NPAS3: variants seen among roughly 807,000 people sequenced by gnomAD.
The protein encoded by NPAS3 is neuronal PAS domain-containing protein 3.
Under a neutral mutation model 73.1 loss-of-function variants are expected in NPAS3, and 14 were observed. That is an observed-to-expected ratio of 0.19 (90% confidence interval 0.13 to 0.30). The LOEUF (loss-of-function observed/expected upper bound fraction) is 0.30, where lower values mean the gene tolerates loss of function less well. Among genes scored for constraint, NPAS3 ranks in the 10% least tolerant of loss-of-function variants. NPAS3 has a pLI of 1.00. For missense variants in NPAS3, 1,096 were observed against 1,250.0 expected, an observed-to-expected ratio of 0.88 and a Z score of 1.86; for synonymous variants, 620 against 541.5, an observed-to-expected ratio of 1.14 and a Z score of -2.01.
chr14:33,354,739 C>T (rs544923156), intron 3 of NPAS3, among the ~76,000 whole-genome samples: 2 of 152,330 alleles, frequency 1.3e-5, no homozygotes, highest in African/African-American at 2.4e-5. Flanking sequence ...TGTGTTATAA[C>T]TCAGAACTCA....
At chr14:33,507,535 C>T (rs2052824121) in intron 4 of NPAS3, among the ~76,000 whole-genome samples, 2 of 151,932 alleles carry the variant, frequency 1.3e-5, no homozygotes, top group Admixed American at 1.3e-4. Context: ...CTTTCCCAAG[C>T]ATAGTAAGGT....
chr14:33,543,741 G>A lies in NPAS3; in HGVS notation c.469-16380G>A, dbSNP rs375774151. Among the ~76,000 whole-genome samples the A allele has an allele frequency of 2.7e-3, 416 of 152,064 alleles. 4 individuals are homozygous for A. Among genetic ancestry groups the A allele is most frequent in the African/African-American group, 9.5e-3 (396 of 41,502 alleles). ...CCACCTCTGCTTTGAACATCACCTTGAGCACTATCATTCTGCTCTATGTCT... is the reference window on the plus strand; with the variant it reads ...CCACCTCTGCTTTGAACATCACCTTAAGCACTATCATTCTGCTCTATGTCT... On this transcript the variant is annotated intron_variant, in intron 4 of 11. Coordinates refer to ENST00000356141, the Ensembl canonical transcript of NPAS3.
intron 6 of NPAS3, among the ~76,000 whole-genome samples, chr14:33,725,634 T>G (rs925038780): frequency 1.3e-5 from 2 of 151,922 alleles, no homozygotes; most frequent in African/African-American, 2.4e-5. Flanking sequence ...CTGCCATCCT[T>G]TGCTAGTCTC....
intron 1 of NPAS3, among the ~76,000 whole-genome samples, chr14:33,053,263 A>G (rs1398177495): frequency 1.3e-5 from 2 of 152,216 alleles, no homozygotes. Context: ...ACCTGCAAAA[A>G]TGGAACAATT....
At chr14:33,286,239 T>C (rs886353355) in intron 3 of NPAS3, among the ~76,000 whole-genome samples, 1 of 152,202 alleles carries the variant, frequency 6.6e-6, no homozygotes, top group African/African-American at 2.4e-5. Context: ...CATAGATCAA[T>C]ATTTTTCCTA....
chr14:33,290,701 A>G (rs2042065160), intron 3 of NPAS3, among the ~76,000 whole-genome samples: 1 of 152,160 alleles, frequency 6.6e-6, no homozygotes, highest in Admixed American at 6.5e-5. Flanking sequence ...TGCATGTTGA[A>G]TTTTTTAAAG....
rs570571093 is a variant in NPAS3 at position 33,016,031 on chromosome 14, A to G, written c.51-39874A>G. Among the ~76,000 whole-genome samples the G allele has an allele frequency of 3.3e-5, 5 of 152,278 alleles. No individual in the cohort carries two copies. The South Asian group carries it at 1.0e-3, about 32-fold the overall frequency. ...TTGTAAAACTATCAGTCGTGTAGGT[A>G]TAGTAATGTCAGGGAATTTCATCTC... On this transcript the variant is annotated intron_variant, in intron 1 of 11. Transcript: ENST00000356141.
chr14:33,128,923 T>A (rs1361068872), intron 2 of NPAS3, among the ~76,000 whole-genome samples: 1 of 152,140 alleles, frequency 6.6e-6, no homozygotes, highest in Non-Finnish European at 1.5e-5. Context: ...TGGTTAGCCA[T>A]CATCCTCCAT....
intron 5 of NPAS3, among the ~76,000 whole-genome samples, chr14:33,635,559 T>C (rs543261348): frequency 1.3e-5 from 2 of 152,246 alleles, no homozygotes; most frequent in South Asian, 4.2e-4. Context: ...CTTTGGACAA[T>C]TGCAGTGATC....
chr14:33,792,760 C>A (rs766026723), intron 9 of NPAS3, among the ~76,000 whole-genome samples: 12 of 152,338 alleles, frequency 7.9e-5, no homozygotes, highest in Non-Finnish European at 1.6e-4. Context: ...CATTTAGCAG[C>A]TAATTTAGCC....
chr14:33,485,576 C>T (rs2051545618), intron 4 of NPAS3, among the ~76,000 whole-genome samples: 1 of 152,134 alleles, frequency 6.6e-6, no homozygotes, highest in Admixed American at 6.6e-5. Context: ...AATTTCATTT[C>T]TCATGCTTTA....
intron 3 of NPAS3, among the ~76,000 whole-genome samples, chr14:33,243,077 C>T (rs1182903593): frequency 5.3e-5 from 8 of 152,010 alleles, no homozygotes; most frequent in East Asian, 1.9e-4. Context: ...CCTCCATATG[C>T]GTGCAAGTTA....
chr14:33,641,231 A>G (rs1167253790), intron 5 of NPAS3, among the ~76,000 whole-genome samples: 1 of 152,172 alleles, frequency 6.6e-6, no homozygotes, highest in Admixed American at 6.5e-5. Flanking sequence ...TTCAGCCTTA[A>G]CAGATCTTTC....
At chr14:33,541,428 G>A (rs923111648) in intron 4 of NPAS3, among the ~76,000 whole-genome samples, 3 of 152,204 alleles carry the variant, frequency 2.0e-5, no homozygotes, top group Admixed American at 6.5e-5. Flanking sequence ...GGCAAGAGCA[G>A]TTGATGCAGT....
intron 5 of NPAS3, among the ~76,000 whole-genome samples, chr14:33,671,379 A>AT (rs769213733): frequency 3.3e-5 from 5 of 152,154 alleles, no homozygotes; most frequent in African/African-American, 4.8e-5. Flanking sequence ...ATATATTTAC[A>AT]TTTTTTTCCA....
chr14:33,354,944 G>A (rs989733864), intron 3 of NPAS3, among the ~76,000 whole-genome samples: 4 of 152,154 alleles, frequency 2.6e-5, no homozygotes, highest in East Asian at 1.9e-4. Context: ...CCTCTGCACC[G>A]TGCCTCAGGT....
At chr14:33,575,558 A>G (rs1305544727) in intron 5 of NPAS3, among the ~76,000 whole-genome samples, 1 of 152,174 alleles carries the variant, frequency 6.6e-6, no homozygotes. Context: ...TCAGAACATA[A>G]TTGGTAAAAA....
Position 32,966,588 on chromosome 14 carries a change from A to G in NPAS3, c.50+27222A>G, listed in dbSNP as rs964886518. Among the ~76,000 whole-genome samples the G allele has an allele frequency of 9.6e-5, 13 of 135,308 alleles. 2 individuals carry two copies. The East Asian group carries it at 9.7e-4, about 10-fold the overall frequency. The allele number at this position is 135,308 out of a possible 152,430, so 88.8% of individuals were successfully genotyped here. ...AGACTTACACGTAAGAACCCAAATT[A>G]TGAAACCCCGTCTCTACTAAAAATA... On this transcript the variant is annotated intron_variant, in intron 1 of 11. Transcript: ENST00000356141.
At chr14:33,042,767 C>T (rs765144191) in intron 1 of NPAS3, among the ~76,000 whole-genome samples, 71 of 152,242 alleles carry the variant, frequency 4.7e-4, no homozygotes, top group Middle Eastern at 3.4e-3. Flanking sequence ...TACAATTCAA[C>T]GGTAATTCAG....
Sources: gnomAD v4.1 joint callset for allele counts (sites outside exome capture counted in the v4.1 genomes callset) on GRCh38, gnomAD v4.1.1 for gene constraint, MANE v1.5 for transcripts, NCBI Gene and HGNC (gene_info 2026-07-23, HGNC 2026-07-21) for gene names.